ATRIP: variants seen among roughly 807,000 people sequenced by gnomAD.
ATRIP encodes the protein ATR-interacting protein.
Under a neutral mutation model 78.1 loss-of-function variants are expected in ATRIP, and 44 were observed. The ratio of observed to expected loss-of-function variants is 0.56; its 90% CI spans 0.44 to 0.72. The LOEUF (loss-of-function observed/expected upper bound fraction) is 0.72, where lower values mean the gene tolerates loss of function less well. Among genes scored for constraint, ATRIP ranks in the 30% least tolerant of loss-of-function variants. ATRIP has a pLI of 0.00. For synonymous variants in ATRIP, 388 were observed against 408.9 expected (o/e 0.95, Z 0.62); for missense variants, 927 against 980.2 (o/e 0.95, Z 0.72).
At position 48,454,299 on chromosome 3, in the gene ATRIP, G is replaced by C. The variant is rs756252673; in HGVS notation, c.553-1G>C. ...ACAAGCATGTTTCTTTTGCCTTCCA[G>C]CTCCAATCATTGCAGTCTGAACTCC... is the stretch of plus-strand genomic sequence containing the variant. On this transcript the variant is annotated splice_acceptor_variant, in intron 3 of 12. Transcript: ENST00000320211. LOFTEE classifies it high-confidence loss of function. 6.3e-7 allele frequency: 1 copy of C among 1,595,126 alleles called. No homozygotes were observed. Among genetic ancestry groups the C allele is most frequent in the Non-Finnish European group, 8.6e-7 (1 of 1,163,060 alleles).
Position 48,459,372 on chromosome 3 carries a change from C to T in ATRIP, c.843C>T (p.His281=). 1 of 1,613,958 alleles carries T rather than the reference C, an allele frequency of 6.2e-7. No individual in the cohort carries two copies. The highest frequency in any genetic ancestry group is 8.5e-7 in the Non-Finnish European group (1 of 1,179,864). The change falls in exon 6 of 13, where the codon CAC becomes CAT. Residue 281 remains histidine (H), a synonymous_variant. Coordinates refer to ENST00000320211, the MANE Select transcript of ATRIP (RefSeq NM_130384.3). ...ATCACATTTCAGATAGTAAGCCCCA[C>T]AGTCTGAGAGGTGACTCCATAAAAC... is the stretch of plus-strand genomic sequence containing the variant. ...PLVGREDSKP[H]SLRGDSIKQE...
intron 4 of ATRIP, among the ~76,000 whole-genome samples, chr3:48,454,628 C>T (rs1252107747): frequency 6.6e-6 from 1 of 152,128 alleles, no homozygotes; most frequent in African/African-American, 2.4e-5. Flanking sequence ...GAAATGCTGC[C>T]TCTGTATGGC....
In ATRIP at chr3:48,466,755, C is replaced by T. The variant is rs1295070952; in HGVS notation, c.*1201C>T. ...CTTCTCCCAGCCCAAGGTCACGGAG[C>T]TGTGCCTGCTGGCTGTCCACAGATG... On this transcript the variant is annotated 3_prime_UTR_variant, in exon 13 of 13. Coordinates refer to ENST00000320211, the MANE Select transcript of ATRIP (RefSeq NM_130384.3). 2 of 1,613,886 alleles carry T rather than the reference C, an allele frequency of 1.2e-6. No individual in the cohort carries two copies. Among genetic ancestry groups the T allele is most frequent in the Non-Finnish European group, 1.7e-6 (2 of 1,180,050 alleles).
intron 2 of ATRIP, 103 bp from the exon 3 acceptor site, chr3:48,451,626 G>GT: frequency 2.0e-6 from 2 of 1,007,248 alleles, no homozygotes; most frequent in Non-Finnish European, 2.9e-6. Context: ...TCATTTGTCT[G>GT]TTTTTCCTGT....
intron 4 of ATRIP, among the ~76,000 whole-genome samples, chr3:48,456,925 A>G (rs2039969272): frequency 6.6e-6 from 1 of 152,130 alleles, no homozygotes; most frequent in Non-Finnish European, 1.5e-5. Flanking sequence ...GGAATTAGCC[A>G]GTAACAGTGG....
chr3:48,465,180 G>A (rs138624675), intron 12 of ATRIP, 97 bp downstream of exon 12: 40 of 1,453,656 alleles, frequency 2.8e-5, no homozygotes, highest in Admixed American at 5.9e-5. Context: ...GCAGGCCCCC[G>A]CCCACTGCAG....
rs559507878 is a variant in ATRIP at position 48,453,630 on chromosome 3, C to G, written c.553-670C>G. Among the ~76,000 whole-genome samples, 63 of 152,318 alleles carry G rather than the reference C, an allele frequency of 4.1e-4. 1 individual carries two copies. In the South Asian group the frequency reaches 4.3e-3, roughly 11 times the overall value. ...TGGCAGTTACTGTTGGCTGTAGCAACTGCAGGCCAGAGCAGCAGGTCTCTC... is the reference window on the plus strand; with the variant it reads ...TGGCAGTTACTGTTGGCTGTAGCAAGTGCAGGCCAGAGCAGCAGGTCTCTC... On this transcript the variant is annotated intron_variant, in intron 3 of 12. Coordinates refer to ENST00000320211, the MANE Select transcript of ATRIP (RefSeq NM_130384.3).
chr3:48,461,768 G>A (rs1015723698), intron 8 of ATRIP, among the ~76,000 whole-genome samples: 2 of 152,086 alleles, frequency 1.3e-5, no homozygotes, highest in African/African-American at 2.4e-5. Flanking sequence ...GCAGTGGTGC[G>A]ATCTCGGCTC....
intron 8 of ATRIP, among the ~76,000 whole-genome samples, chr3:48,462,236 G>C (rs979500421): frequency 6.6e-6 from 1 of 151,956 alleles, no homozygotes; most frequent in Non-Finnish European, 1.5e-5. Flanking sequence ...CTCCAGCCTA[G>C]GTGACAGAGT....
In ATRIP at chr3:48,467,157, C is replaced by G; in HGVS notation, c.*1603C>G. ...GAAGGCCCTGGAGCGAGCAAGCAGC[C>G]CCTCAGAACACGGCCCAAGGAAGAG... On this transcript the variant is annotated 3_prime_UTR_variant, in exon 13 of 13. Transcript: ENST00000320211. 1 of 1,614,030 alleles carries G rather than the reference C, an allele frequency of 6.2e-7. No individual in the cohort carries two copies.
At position 48,450,095 on chromosome 3, in the gene ATRIP, C is replaced by T; in HGVS notation, c.306C>T (p.Asn102=). 1.2e-6 allele frequency: 2 copies of T among 1,613,404 alleles called. No individual in the cohort carries two copies. The highest frequency in any genetic ancestry group is 2.2e-5 in the South Asian group (2 of 90,964). The part of the protein sequence containing the change: ...DGMSKNPSGK[N]RETVPIKDNF... ...TGTCAAAAAATCCTTCAGGGAAAAA[C>T]AGAGAAACTGTTCCAATTAAAGATA... Residue 102 remains asparagine, a synonymous_variant, in exon 2 of 13, where the codon AAC becomes AAT. Transcript: ENST00000320211.
chr3:48,459,935 G>A lies in ATRIP; in HGVS notation c.1055+19G>A. ...TTGGCAGGTAAGCATAAGACTCCTG[G>A]AAAGCTTGTTTGGGAAGGAGCTTCC... On this transcript the variant is annotated intron_variant, in intron 7 of 12. Transcript: ENST00000320211. 1.3e-6 allele frequency: 2 copies of A among 1,593,508 alleles called. No individual in the cohort carries two copies.
At chr3:48,449,413 C>CAG in intron 1 of ATRIP, among the ~76,000 whole-genome samples, 1 of 60,106 alleles carries the variant, frequency 1.7e-5, no homozygotes. Context: ...GACTCTGTCT[C>CAG]AAAAAAAAAA....
intron 1 of ATRIP, among the ~76,000 whole-genome samples, chr3:48,449,413 CAAAAAA>C (rs1297709851): frequency 1.0e-4 from 6 of 60,112 alleles, no homozygotes; most frequent in African/African-American, 4.1e-4. Context: ...GACTCTGTCT[CAAAAAA>C]AAAAAAAAAA....
In ATRIP at chr3:48,464,920, G is replaced by C; in HGVS notation, c.2145G>C (p.Arg715=). Residue 715 remains arginine, a synonymous_variant, in exon 12 of 13, where the codon CGG becomes CGC. Coordinates refer to ENST00000320211, the MANE Select transcript of ATRIP (RefSeq NM_130384.3). ...GGPPRTDQQR[R]TVRCLRDTVL... is the part of the protein sequence containing the mutation. ...CCCCAAGGACCGACCAGCAGAGGCG[G>C]ACAGTGCGCTGTCTGCGGGACACGG... 6.2e-7 allele frequency: 1 copy of C among 1,614,158 alleles called. No homozygotes were observed. Among genetic ancestry groups the C allele is most frequent in the Admixed American group, 1.7e-5 (1 of 60,028 alleles).
chr3:48,464,456 TC>T, intron 10 of ATRIP, 125 bp from the exon 11 acceptor site: 1 of 1,128,948 alleles, frequency 8.9e-7, no homozygotes, highest in South Asian at 1.3e-5. Flanking sequence ...CCACACCACT[TC>T]TTGGACCCCA....
At position 48,460,300 on chromosome 3, in the gene ATRIP, G is replaced by A. The variant is rs1194437332; in HGVS notation, c.1246G>A (p.Ala416Thr). 1 of 1,614,094 alleles carries A rather than the reference G, an allele frequency of 6.2e-7. No homozygotes were observed. Among genetic ancestry groups the A allele is most frequent in the Admixed American group, 1.7e-5 (1 of 60,016 alleles). The change falls in exon 8 of 13, where the codon GCC becomes ACC. Residue 416 changes from alanine (A) to threonine (T), a missense_variant. Physicochemically the swap from Ala to Thr is moderately conservative, Grantham distance 58. Transcript: ENST00000320211. ...CTTCCCACTCTGCCAGCTTCCTGGA[G>A]CCGTGCATTTCCTCCCCCTTGTACA... is the stretch of plus-strand genomic sequence containing the variant. ...RAFPLCQLPGAVHFLPLVQFF... is the reference protein window; with the variant it reads ...RAFPLCQLPGTVHFLPLVQFF...
chr3:48,459,253 T>C (rs2040033649), intron 5 of ATRIP, 106 bp from the exon 6 acceptor site: 1 of 901,410 alleles, frequency 1.1e-6, no homozygotes, highest in Non-Finnish European at 1.7e-6. Context: ...TGTTCCAAGT[T>C]CGAAGAAGTA....
In ATRIP at chr3:48,467,112, G is replaced by A; in HGVS notation, c.*1558G>A. The A allele has an allele frequency of 1.2e-6, 2 of 1,613,986 alleles. No individual in the cohort carries two copies. Among genetic ancestry groups the A allele is most frequent in the Non-Finnish European group, 1.7e-6 (2 of 1,180,038 alleles). On this transcript the variant is annotated 3_prime_UTR_variant, in exon 13 of 13. Coordinates refer to ENST00000320211, the MANE Select transcript of ATRIP (RefSeq NM_130384.3). The stretch of plus-strand genomic sequence containing the variant: ...CAGTGCTCTGGATGGTGCCTTCTGT[G>A]TGGATAGCATCACTGCGCTGAAGGC...
Sources: gnomAD v4.1 joint callset for allele counts (sites outside exome capture counted in the v4.1 genomes callset) on GRCh38, gnomAD v4.1.1 for gene constraint, MANE v1.5 for transcripts, NCBI Gene and HGNC (gene_info 2026-07-23, HGNC 2026-07-21) for gene names.